The following KATNAL2 variants were observed in gnomAD, a reference collection of about 807,000 sequenced individuals.
KATNAL2 encodes the protein katanin p60 ATPase-containing subunit A-like 2.
Under a neutral mutation model 76.3 loss-of-function variants are expected in KATNAL2, and 52 were observed. The ratio of observed to expected loss-of-function variants is 0.68; its 90% CI spans 0.55 to 0.86. The LOEUF is 0.86. KATNAL2 is among the 40% of genes least tolerant of loss of function. The pLI, the probability that KATNAL2 is intolerant of heterozygous loss-of-function variation, is 0.00. For synonymous variants in KATNAL2, 243 were observed against 244.2 expected, an observed-to-expected ratio of 1.00 and a Z score of 0.05; for missense variants, 660 against 668.9, an observed-to-expected ratio of 0.99 and a Z score of 0.15.
At chr18:47,086,580 GTT>G (rs1284708182) in intron 15 of KATNAL2, among the ~76,000 whole-genome samples, 1 of 152,160 alleles carries the variant, frequency 6.6e-6, no homozygotes, top group Admixed American at 6.5e-5. Flanking sequence ...CTCCCAAACT[GTT>G]GGGATTACAG....
chr18:46,930,450 A>G (rs1175207640), intron 1 of KATNAL2, among the ~76,000 whole-genome samples: 1 of 152,228 alleles, frequency 6.6e-6, no homozygotes, highest in Non-Finnish European at 1.5e-5. Context: ...ACATAGATTC[A>G]TAACATACAC....
intron 15 of KATNAL2, among the ~76,000 whole-genome samples, chr18:47,085,870 A>T (rs1014025628): frequency 1.3e-5 from 2 of 152,148 alleles, no homozygotes; most frequent in Admixed American, 1.3e-4. Flanking sequence ...TGTAAGACTG[A>T]GGCAGGAGGA....
At chr18:47,041,871 G>A (rs1289070497) in intron 3 of KATNAL2, among the ~76,000 whole-genome samples, 1 of 152,204 alleles carries the variant, frequency 6.6e-6, no homozygotes, top group Non-Finnish European at 1.5e-5. Context: ...ATCCTCGCCA[G>A]CATTTGCTAT....
chr18:47,048,828 C>CTTTTTTTTTTTTTTTTTTTTTTTTTTTTT (rs35366730), intron 4 of KATNAL2, among the ~76,000 whole-genome samples: 1 of 76,724 alleles, frequency 1.3e-5, no homozygotes, highest in Non-Finnish European at 2.3e-5. Flanking sequence ...AAGCCAGACT[C>CTTTTTTTTTTTTTTTTTTTTTTTTTTTTT]TTTTTTTTTT....
intron 3 of KATNAL2, chr18:47,034,367 C>T (rs1274332933): frequency 1.2e-6 from 2 of 1,614,042 alleles, no homozygotes; most frequent in Admixed American, 1.7e-5. Flanking sequence ...CTGTCTGGAG[C>T]CTCCTCCAAG....
chr18:47,081,202 G>A (rs1405625547), intron 15 of KATNAL2, among the ~76,000 whole-genome samples: 1 of 150,980 alleles, frequency 6.6e-6, no homozygotes, highest in Non-Finnish European at 1.5e-5. Context: ...CTTCCCATGT[G>A]TGTCTCATTT....
chr18:47,035,103 C>G (rs970450328), intron 3 of KATNAL2: 1 of 1,611,224 alleles, frequency 6.2e-7, no homozygotes, highest in Non-Finnish European at 8.5e-7. Context: ...TCCGCAGGCG[C>G]TTCACCGTCT....
intron 3 of KATNAL2, among the ~76,000 whole-genome samples, chr18:46,960,924 TTGCG>T (rs1251108618): frequency 2.0e-5 from 3 of 152,212 alleles, no homozygotes; most frequent in Non-Finnish European, 4.4e-5. Flanking sequence ...GTCAGCAGAC[TTGCG>T]TCTTAAGAAC....
intron 15 of KATNAL2, among the ~76,000 whole-genome samples, chr18:47,096,144 C>T (rs2063225168): frequency 6.6e-6 from 1 of 152,122 alleles, no homozygotes; most frequent in South Asian, 2.1e-4. Flanking sequence ...AGACACACTC[C>T]TTAAAGAAAT....
At chr18:47,040,721 C>T (rs535610858) in intron 3 of KATNAL2, among the ~76,000 whole-genome samples, 11 of 152,240 alleles carry the variant, frequency 7.2e-5, no homozygotes, top group Admixed American at 6.5e-4. Context: ...ATCACTTCAG[C>T]CCGGGTGTTC....
chr18:46,946,218 T>A lies in KATNAL2; in HGVS notation c.-348T>A, dbSNP rs1357586103. Reference sequence around the variant, plus strand: ...TTGAAGAAACAGACTAGTTAACACATGAAAAAAATAGAGCAGAGGAAAACA... The same window carrying A: ...TTGAAGAAACAGACTAGTTAACACAAGAAAAAAATAGAGCAGAGGAAAACA... On this transcript the variant is annotated 5_prime_UTR_variant, in exon 2 of 18. An upstream start codon of the reference 5' UTR is lost. Transcript: ENST00000683218. The A allele has an allele frequency of 5.6e-6, 6 of 1,071,936 alleles. No individual in the cohort carries two copies. The highest frequency in any genetic ancestry group is 6.8e-6 in the Non-Finnish European group (6 of 877,624). 66.4% of individuals were successfully genotyped at this position (1,071,936 alleles called of 1,614,324 possible).
At chr18:46,922,567 G>A (rs896626473) in intron 1 of KATNAL2, among the ~76,000 whole-genome samples, 6 of 151,958 alleles carry the variant, frequency 3.9e-5, no homozygotes, top group Non-Finnish European at 5.9e-5. Context: ...GCTGAGGTGG[G>A]TGGATCGCCT....
intron 13 of KATNAL2, among the ~76,000 whole-genome samples, chr18:47,074,945 T>C (rs2062144267): frequency 6.6e-6 from 1 of 152,202 alleles, no homozygotes; most frequent in African/African-American, 2.4e-5. Flanking sequence ...TGGAACATAT[T>C]ATTGGCAGGG....
rs2059178242 is a variant in KATNAL2, at chr18:46,939,282, G to A, written c.-509-6775G>A. Among the ~76,000 whole-genome samples, 4 of 151,442 alleles carry A rather than the reference G, an allele frequency of 2.6e-5. No individual in the cohort carries two copies. The South Asian group carries it at 8.4e-4, about 32-fold the overall frequency. On this transcript the variant is annotated intron_variant, in intron 1 of 17. Coordinates refer to ENST00000683218, the MANE Select transcript of KATNAL2 (RefSeq NM_001387690.1). Reference sequence around the variant, plus strand: ...CGGGAGGCGGAGGTTGCAGTGAACCGAGATTGTGCCACTGCACTCCAGCCT... The same window carrying A: ...CGGGAGGCGGAGGTTGCAGTGAACCAAGATTGTGCCACTGCACTCCAGCCT...
intron 3 of KATNAL2, among the ~76,000 whole-genome samples, chr18:47,044,540 T>C (rs1569072324): frequency 6.9e-6 from 1 of 145,582 alleles, no homozygotes; most frequent in Non-Finnish European, 1.5e-5. Flanking sequence ...AGGCGGATCA[T>C]CTGAAGTCAG....
intron 15 of KATNAL2, among the ~76,000 whole-genome samples, chr18:47,087,308 T>C (rs2062816835): frequency 6.6e-6 from 1 of 152,168 alleles, no homozygotes; most frequent in Admixed American, 6.5e-5. Context: ...TAAACGCCCA[T>C]CAGTGATAGA....
intron 10 of KATNAL2, among the ~76,000 whole-genome samples, 174 bp from the exon 11 acceptor site, chr18:47,066,847 T>TTATATA (rs56018747): frequency 0.017 from 506 of 29,470 alleles, 23 homozygotes; most frequent in East Asian, 0.031. Context: ...ATATATGTGT[T>TTATATA]TATATATATA....
chr18:47,080,371 T>C (rs532455317), intron 15 of KATNAL2, among the ~76,000 whole-genome samples: 2 of 152,322 alleles, frequency 1.3e-5, no homozygotes, highest in East Asian at 3.9e-4. Flanking sequence ...TTCAATGGTT[T>C]TGAGTGTATT....
At chr18:46,960,927 C>T (rs540521265) in intron 3 of KATNAL2, among the ~76,000 whole-genome samples, 14 of 152,274 alleles carry the variant, frequency 9.2e-5, no homozygotes, top group Admixed American at 1.3e-4. Flanking sequence ...AGCAGACTTG[C>T]GTCTTAAGAA....
Sources: gnomAD v4.1 joint callset for allele counts (sites outside exome capture counted in the v4.1 genomes callset) on GRCh38, gnomAD v4.1.1 for gene constraint, MANE v1.5 for transcripts, NCBI Gene and HGNC (gene_info 2026-07-23, HGNC 2026-07-21) for gene names.